SAMD4A: variants seen among roughly 807,000 people sequenced by gnomAD.
SAMD4A encodes sterile alpha motif domain containing 4A, also known as protein Smaug homolog 1.
SAMD4A carries 33 observed loss-of-function variants against 81.3 expected under a neutral mutation model. The observed-to-expected ratio is 0.41, with a 90% confidence interval of 0.31 to 0.54. The LOEUF (loss-of-function observed/expected upper bound fraction) is 0.54, where lower values mean the gene tolerates loss of function less well. Among genes scored for constraint, SAMD4A ranks in the 20% least tolerant of loss-of-function variants. SAMD4A has a pLI of 0.37. For synonymous variants in SAMD4A, 389 were observed against 382.1 expected (o/e 1.02, Z -0.21); for missense variants, 854 against 951.1 (o/e 0.90, Z 1.34).
intron 6 of SAMD4A, chr14:54,754,764 G>A: frequency 2.1e-6 from 2 of 942,178 alleles, no homozygotes; most frequent in Non-Finnish European, 2.5e-6. Context: ...AGATAGCTGG[G>A]GCCCCGCCCA....
Position 54,702,534 on chromosome 14 carries a change from A to G in SAMD4A, c.669A>G (p.Ser223=). ...GCCATGTGCCCCTCTACTCCTCCTCATCTGTCCCCACCACAATCAATACGA... is the reference window on the plus strand; with the variant it reads ...GCCATGTGCCCCTCTACTCCTCCTCGTCTGTCCCCACCACAATCAATACGA... ...ENGHVPLYSS[S]SVPTTINTIG... Residue 223 remains serine, a synonymous_variant, in exon 3 of 13, where the codon TCA becomes TCG. Transcript: ENST00000554335. The G allele has an allele frequency of 6.2e-7, 1 of 1,614,150 alleles. No homozygotes were observed. Among genetic ancestry groups the G allele is most frequent in the Non-Finnish European group, 8.5e-7 (1 of 1,179,986 alleles).
intron 2 of SAMD4A, among the ~76,000 whole-genome samples, chr14:54,651,795 G>A (rs1316006046): frequency 1.3e-5 from 2 of 152,256 alleles, no homozygotes; most frequent in African/African-American, 4.8e-5. Context: ...ATTTGCCCCC[G>A]AAGGCATCCC....
intron 9 of SAMD4A, among the ~76,000 whole-genome samples, chr14:54,773,523 C>T (rs1225247120): frequency 6.6e-6 from 1 of 152,256 alleles, no homozygotes; most frequent in Non-Finnish European, 1.5e-5. Flanking sequence ...TATAACCTCC[C>T]GGACCTGAGG....
intron 2 of SAMD4A, among the ~76,000 whole-genome samples, chr14:54,650,955 T>C (rs2035390662): frequency 1.3e-5 from 2 of 152,206 alleles, no homozygotes; most frequent in African/African-American, 4.8e-5. Flanking sequence ...TTTAAAAATA[T>C]ATATCAACTG....
In SAMD4A at chr14:54,721,550, A is replaced by G. The variant is rs556990783; in HGVS notation, c.716-15474A>G. ...TTTTCTTGATAGTAATCTTCCCACC[A>G]TAACTCTCATTATCAATAGGATGTT... On this transcript the variant is annotated intron_variant, in intron 3 of 12. Coordinates refer to ENST00000554335, the MANE Select transcript of SAMD4A (RefSeq NM_015589.6). Among the ~76,000 whole-genome samples the G allele has an allele frequency of 1.1e-4, 16 of 152,286 alleles. No individual in the cohort carries two copies. In the South Asian group the frequency reaches 2.9e-3, roughly 28 times the overall value.
chr14:54,722,266 T>G (rs1052202532), intron 3 of SAMD4A, among the ~76,000 whole-genome samples: 3 of 152,114 alleles, frequency 2.0e-5, no homozygotes, highest in African/African-American at 7.2e-5. Context: ...AGGATAGGTA[T>G]TCAGAGTGCC....
At chr14:54,618,832 A>C (rs2034549913) in intron 2 of SAMD4A, among the ~76,000 whole-genome samples, 1 of 152,176 alleles carries the variant, frequency 6.6e-6, no homozygotes, top group African/African-American at 2.4e-5. Context: ...ATTTACTCAA[A>C]GATATCTTGG....
rs563810266 is a variant in SAMD4A, at chr14:54,679,069, G to A, written c.197-22993G>A. On this transcript the variant is annotated intron_variant, in intron 2 of 12. Transcript: ENST00000554335. ...TTGAACACTTATGTTTTATTGACTC[G>A]GATTTGGATTTTGTTTATGACAGAC... Among the ~76,000 whole-genome samples, 211 of 152,320 alleles carry A rather than the reference G, an allele frequency of 1.4e-3. 1 individual carries two copies. The highest frequency in any genetic ancestry group is 4.9e-3 in the African/African-American group (202 of 41,578).
intron 2 of SAMD4A, among the ~76,000 whole-genome samples, chr14:54,678,880 C>T (rs559736805): frequency 6.6e-6 from 1 of 152,272 alleles, no homozygotes; most frequent in South Asian, 2.1e-4. Context: ...TAATTGAAAC[C>T]CTGCATAATC....
chr14:54,691,918 C>G (rs1458818403), intron 2 of SAMD4A, among the ~76,000 whole-genome samples: 1 of 152,206 alleles, frequency 6.6e-6, no homozygotes, highest in Non-Finnish European at 1.5e-5. Flanking sequence ...CATTCTGTCC[C>G]CCATTGGATG....
intron 2 of SAMD4A, among the ~76,000 whole-genome samples, chr14:54,600,719 G>A (rs921401010): frequency 1.3e-5 from 2 of 152,192 alleles, no homozygotes; most frequent in Admixed American, 6.5e-5. Flanking sequence ...CCCTTTACTA[G>A]GAGGCTGGAT....
intron 2 of SAMD4A, chr14:54,688,257 A>T: frequency 1.0e-6 from 1 of 985,436 alleles, no homozygotes; most frequent in Non-Finnish European, 1.2e-6. Context: ...CAGTGAGTTG[A>T]TACCAAACTT....
At position 54,694,837 on chromosome 14, in the gene SAMD4A, G is replaced by T. The variant is rs533885035; in HGVS notation, c.197-7225G>T. 5 of 985,446 alleles carry T rather than the reference G, an allele frequency of 5.1e-6. No individual in the cohort carries two copies. The African/African-American group carries it at 8.7e-5, about 17-fold the overall frequency. 61.0% of individuals were successfully genotyped at this position (985,446 alleles called of 1,614,324 possible). ...CTCAAGGAGTAAAGGAGCAGTCCTG[G>T]AGCACCCAGCTGTGCCGGTACCTGG... On this transcript the variant is annotated intron_variant, in intron 2 of 12. Coordinates refer to ENST00000554335, the MANE Select transcript of SAMD4A (RefSeq NM_015589.6).
At chr14:54,694,921 G>A in intron 2 of SAMD4A, 1 of 985,478 alleles carries the variant, frequency 1.0e-6, no homozygotes, top group Non-Finnish European at 1.2e-6. Flanking sequence ...TCTCTACTCT[G>A]GAAAGGTAAA....
At chr14:54,586,481 C>CAT (rs1355492461) in intron 2 of SAMD4A, among the ~76,000 whole-genome samples, 1 of 152,116 alleles carries the variant, frequency 6.6e-6, no homozygotes, top group African/African-American at 2.4e-5. Flanking sequence ...CTTTTGGGTT[C>CAT]TTGATCATGA....
chr14:54,771,101 G>C (rs140979164), intron 9 of SAMD4A, among the ~76,000 whole-genome samples: 1 of 152,030 alleles, frequency 6.6e-6, no homozygotes, highest in Non-Finnish European at 1.5e-5. Flanking sequence ...TTGCGTAAGC[G>C]TGCCTTAAAA....
At chr14:54,715,939 AATGTGG>A (rs1292713903) in intron 3 of SAMD4A, among the ~76,000 whole-genome samples, 1 of 152,124 alleles carries the variant, frequency 6.6e-6, no homozygotes, top group Non-Finnish European at 1.5e-5. Flanking sequence ...TACAGTTATA[AATGTGG>A]ATTCTAAAGA....
At chr14:54,775,196 TC>T in intron 10 of SAMD4A, 61 bp downstream of exon 10, 5 of 1,595,456 alleles carry the variant, frequency 3.1e-6, no homozygotes, top group Non-Finnish European at 3.4e-6. Context: ...GCTGCAGATG[TC>T]CCCCCAGGTG....
intron 8 of SAMD4A, among the ~76,000 whole-genome samples, chr14:54,767,382 G>A (rs561833455): frequency 2.0e-5 from 3 of 152,238 alleles, no homozygotes; most frequent in East Asian, 1.9e-4. Flanking sequence ...TGGAGGGACC[G>A]AGTCCCCAGA....
Sources: gnomAD v4.1 joint callset for allele counts (sites outside exome capture counted in the v4.1 genomes callset) on GRCh38, gnomAD v4.1.1 for gene constraint, MANE v1.5 for transcripts, NCBI Gene and HGNC (gene_info 2026-07-23, HGNC 2026-07-21) for gene names.